CPLANE2: variants seen among roughly 807,000 people sequenced by gnomAD.
The protein encoded by CPLANE2 is ciliogenesis and planar polarity effector complex subunit 2.
In CPLANE2, 24 loss-of-function variants were observed where a neutral mutation model predicts 20.9. The ratio of observed to expected loss-of-function variants is 1.15; its 90% CI spans 0.83 to 1.61. The LOEUF is 1.61. Ranked by LOEUF, CPLANE2 falls within the 40% of genes most tolerant of loss-of-function variation. The probability of loss-of-function intolerance (pLI) is 0.00; values close to 1 mark genes in which losing one functional copy is unlikely to be tolerated. For missense variants in CPLANE2, 330 were observed against 355.1 expected (o/e 0.93, Z 0.57); for synonymous variants, 132 against 144.3 (o/e 0.92, Z 0.61).
intron 4 of CPLANE2, 53 bp from the exon 5 acceptor site, chr1:16,232,350 G>A: frequency 1.3e-6 from 2 of 1,548,200 alleles, no homozygotes; most frequent in South Asian, 2.4e-5. Flanking sequence ...CCCCCCATCA[G>A]ACCCTGCCTC....
intron 2 of CPLANE2, among the ~76,000 whole-genome samples, 160 bp from the exon 3 acceptor site, chr1:16,233,177 G>C (rs1244678657): frequency 6.6e-6 from 1 of 152,220 alleles, no homozygotes; most frequent in Non-Finnish European, 1.5e-5. Flanking sequence ...TTCTCAGTCT[G>C]ATGGGAGAAA....
In CPLANE2 at chr1:16,236,882, C is replaced by A. The variant is rs1429528350; in HGVS notation, c.-140G>T. On this transcript the variant is annotated 5_prime_UTR_variant, in exon 1 of 5. Coordinates refer to ENST00000375599, the MANE Select transcript of CPLANE2 (RefSeq NM_030907.4). ...CCCGGGGGGCCCCAGAAAGTGCAGT[C>A]CCTCAGCCGCCTCTCTCCTTCGCAA... 9.2e-6 allele frequency: 6 copies of A among 651,180 alleles called. No individual in the cohort carries two copies. The highest frequency in any genetic ancestry group is 4.0e-4 in the Middle Eastern group (1 of 2,478). The allele number at this position is 651,180 out of a possible 1,614,324, so 40.3% of individuals were successfully genotyped here. A position where few individuals can be genotyped will look rare whatever the true frequency, so the allele number is the denominator to read the frequency against.
chr1:16,233,067 G>C (rs777983597), intron 2 of CPLANE2, 50 bp from the exon 3 acceptor site: 16 of 1,605,924 alleles, frequency 1.0e-5, no homozygotes, highest in Non-Finnish European at 1.4e-5. Flanking sequence ...GTGGAGATGG[G>C]AGGAATAGGG....
intron 2 of CPLANE2, 98 bp from the exon 3 acceptor site, chr1:16,233,115 C>A: frequency 7.4e-7 from 1 of 1,352,530 alleles, no homozygotes; most frequent in South Asian, 1.3e-5. Context: ...ACATCCCTGC[C>A]CTGATGGGTC....
chr1:16,233,022 G>A lies in CPLANE2; in HGVS notation c.266-5C>T, dbSNP rs770988977. 1.4e-5 allele frequency: 22 copies of A among 1,613,914 alleles called. No homozygotes were observed. The highest frequency in any genetic ancestry group is 1.7e-5 in the Admixed American group (1 of 60,004). On this transcript the variant is annotated splice_region_variant and splice_polypyrimidine_tract_variant and intron_variant, in intron 2 of 4. Coordinates refer to ENST00000375599, the MANE Select transcript of CPLANE2 (RefSeq NM_030907.4). Reference sequence around the variant, plus strand: ...ATACCACGGTGGTCTGGATGCCTGAGGGGGAGCCAGGGTCAGCCACTCACC... The same window carrying A: ...ATACCACGGTGGTCTGGATGCCTGAAGGGGAGCCAGGGTCAGCCACTCACC...
rs1470804661 is a variant in CPLANE2 at position 16,231,984 on chromosome 1, C to T, written c.*64G>A. The T allele has an allele frequency of 1.7e-5, 27 of 1,565,030 alleles. No homozygotes were observed. The highest frequency in any genetic ancestry group is 4.5e-5 in the East Asian group (2 of 44,340). On this transcript the variant is annotated 3_prime_UTR_variant, in exon 5 of 5. Coordinates refer to ENST00000375599, the MANE Select transcript of CPLANE2 (RefSeq NM_030907.4). ...CCAGATAGGATCCATGTTCCTGCCCCAGCCTCCAGCCCTATGTCGAGACCT... is the reference window on the plus strand; with the variant it reads ...CCAGATAGGATCCATGTTCCTGCCCTAGCCTCCAGCCCTATGTCGAGACCT...
Position 16,233,731 on chromosome 1 carries a change from A to G in CPLANE2, c.146T>C (p.Val49Ala), listed in dbSNP as rs1225040365. 1 of 1,614,154 alleles carries G rather than the reference A, an allele frequency of 6.2e-7. No homozygotes were observed. Among genetic ancestry groups the G allele is most frequent in the Non-Finnish European group, 8.5e-7 (1 of 1,180,030 alleles). Residue 49 changes from valine (V) to alanine (A), a missense_variant, in exon 2 of 5, where the codon GTG becomes GCG. Transcript: ENST00000375599. ...LLERPVLLPPVSIDTASYKIF... is the reference protein window; with the variant it reads ...LLERPVLLPPASIDTASYKIF... ...CTTGTAGCTGGCAGTGTCAATGGACACAGGCGGCAGCAGCACTGGCCGCTC... is the reference window on the plus strand; with the variant it reads ...CTTGTAGCTGGCAGTGTCAATGGACGCAGGCGGCAGCAGCACTGGCCGCTC...
intron 4 of CPLANE2, 100 bp downstream of exon 4, chr1:16,232,410 C>G: frequency 6.5e-7 from 1 of 1,547,096 alleles, no homozygotes; most frequent in Non-Finnish European, 8.7e-7. Flanking sequence ...CCATGCTGTA[C>G]CCTTTAAGTA....
intron 1 of CPLANE2, among the ~76,000 whole-genome samples, chr1:16,234,976 A>G (rs1447530616): frequency 6.6e-6 from 1 of 152,164 alleles, no homozygotes; most frequent in African/African-American, 2.4e-5. Context: ...TGCCTGCCTC[A>G]GCCTCCCAAA....
At chr1:16,235,654 G>T (rs2081458867) in intron 1 of CPLANE2, among the ~76,000 whole-genome samples, 1 of 151,648 alleles carries the variant, frequency 6.6e-6, no homozygotes, top group Non-Finnish European at 1.5e-5. Context: ...GGGATTAGAG[G>T]GACAGTGGCC....
In CPLANE2 at chr1:16,232,907, C is replaced by A. The variant is rs761874778; in HGVS notation, c.376G>T (p.Asp126Tyr). ...DCGESALKKF[D>Y]HMLLACMENT... Reference sequence around the variant, plus strand: ...TGCCTGCTCACCAGCAGCATATGATCGAACTTTTTGAGTGCAGACTCTCCA... The same window carrying A: ...TGCCTGCTCACCAGCAGCATATGATAGAACTTTTTGAGTGCAGACTCTCCA... The change falls in exon 3 of 5, where the codon GAT becomes TAT. Residue 126 changes from aspartate to tyrosine, a missense_variant. Physicochemically the swap from Asp to Tyr is radical, Grantham distance 160. Transcript: ENST00000375599. 10 of 1,614,010 alleles carry A rather than the reference C, an allele frequency of 6.2e-6. 1 individual carries two copies. Among genetic ancestry groups the A allele is most frequent in the Admixed American group, 1.7e-5 (1 of 59,994 alleles).
chr1:16,235,554 C>T (rs1256555540), intron 1 of CPLANE2, among the ~76,000 whole-genome samples: 1 of 152,116 alleles, frequency 6.6e-6, no homozygotes, highest in Non-Finnish European at 1.5e-5. Flanking sequence ...CTAGAGTTCA[C>T]TTATTCCCAG....
chr1:16,234,787 C>T (rs1467475633), intron 1 of CPLANE2, among the ~76,000 whole-genome samples: 1 of 152,016 alleles, frequency 6.6e-6, no homozygotes, highest in Non-Finnish European at 1.5e-5. Context: ...GGCTGGAGTG[C>T]AATGGTGTGA....
At chr1:16,232,702 G>C (rs2081432136) in intron 3 of CPLANE2, 56 bp from the exon 4 acceptor site, 1 of 1,604,594 alleles carries the variant, frequency 6.2e-7, no homozygotes, top group Non-Finnish European at 8.5e-7. Flanking sequence ...AGGGCCCTCA[G>C]AAGAATCAGG....
chr1:16,232,037 C>A lies in CPLANE2; in HGVS notation c.*11G>T, dbSNP rs1188379647. 1 of 1,607,988 alleles carries A rather than the reference C, an allele frequency of 6.2e-7. No homozygotes were observed. The highest frequency in any genetic ancestry group is 1.7e-5 in the Admixed American group (1 of 59,898). On this transcript the variant is annotated 3_prime_UTR_variant, in exon 5 of 5. Transcript: ENST00000375599. ...GGGTTGGGGGTGGGATCACAGGCAA[C>A]CACTCGTGACTCATTCAGGAGCACT... is the stretch of plus-strand genomic sequence containing the variant.
At chr1:16,235,837 C>T (rs6665586) in intron 1 of CPLANE2, among the ~76,000 whole-genome samples, 7,863 of 151,952 alleles carry the variant, frequency 0.052, 675 homozygotes, top group African/African-American at 0.18. Context: ...CCCGCCACCA[C>T]GTCCGGCTAA....
At chr1:16,236,513 T>G in intron 1 of CPLANE2, 118 bp downstream of exon 1, 1 of 758,670 alleles carries the variant, frequency 1.3e-6, no homozygotes. Flanking sequence ...TGCTGAAGAC[T>G]GCAGTGGAGC....
chr1:16,233,088 G>C, intron 2 of CPLANE2, 71 bp from the exon 3 acceptor site: 1 of 1,563,234 alleles, frequency 6.4e-7, no homozygotes, highest in Non-Finnish European at 8.8e-7. Context: ...GACCAGGAAG[G>C]AATAGGAAGA....
chr1:16,232,663 A>AT lies in CPLANE2; in HGVS notation c.391-18dup, dbSNP rs1266070833. The stretch of plus-strand genomic sequence containing the variant: ...CATGCAAGCCTGGTGATGGAGAGGC[A>AT]TATAACCATGTCACCCCCCATCAGC... On this transcript the variant is annotated splice_polypyrimidine_tract_variant and intron_variant, in intron 3 of 4. Transcript: ENST00000375599. The AT allele has an allele frequency of 6.2e-7, 1 of 1,613,468 alleles. No individual in the cohort carries two copies. The highest frequency in any genetic ancestry group is 1.3e-5 in the African/African-American group (1 of 74,888).
Sources: gnomAD v4.1 joint callset for allele counts (sites outside exome capture counted in the v4.1 genomes callset) on GRCh38, gnomAD v4.1.1 for gene constraint, MANE v1.5 for transcripts, NCBI Gene and HGNC (gene_info 2026-07-23, HGNC 2026-07-21) for gene names.